Variants in SBF2 observed in about 807,000 individuals in gnomAD.
SBF2 encodes SET binding factor 2.
In SBF2, 112 loss-of-function variants were observed where a neutral mutation model predicts 225.2. The observed-to-expected ratio is 0.50, with a 90% CI of 0.43 to 0.58. The LOEUF (loss-of-function observed/expected upper bound fraction) is 0.58. Among genes scored for constraint, SBF2 ranks in the 20% least tolerant of loss-of-function variants. The probability of loss-of-function intolerance (pLI) is 0.00; values close to 1 mark genes in which losing one functional copy is unlikely to be tolerated. For missense variants in SBF2, 1,996 were observed against 2,206.2 expected, an observed-to-expected ratio of 0.90 and a Z score of 1.91; for synonymous variants, 763 against 773.3, an observed-to-expected ratio of 0.99 and a Z score of 0.22.
chr11:9,935,514 A>G (rs1211891655), intron 16 of SBF2, among the ~76,000 whole-genome samples: 1 of 152,236 alleles, frequency 6.6e-6, no homozygotes, highest in African/African-American at 2.4e-5. Context: ...TTCTAAACAA[A>G]AAGAAGAAAG....
At chr11:10,195,235 C>T (rs1431540320) in intron 1 of SBF2, among the ~76,000 whole-genome samples, 3 of 152,170 alleles carry the variant, frequency 2.0e-5, no homozygotes, top group African/African-American at 7.2e-5. Context: ...CTACCACCAG[C>T]AAGATGTTAC....
intron 38 of SBF2, 134 bp from the exon 39 acceptor site, chr11:9,781,772 AAATT>A (rs1183768802): frequency 9.8e-7 from 1 of 1,017,078 alleles, no homozygotes; most frequent in African/African-American, 1.6e-5. Context: ...AATACACAAA[AAATT>A]AATTAATAAT....
intron 2 of SBF2, among the ~76,000 whole-genome samples, chr11:10,173,248 C>T (rs1956288240): frequency 6.6e-6 from 1 of 152,174 alleles, no homozygotes; most frequent in African/African-American, 2.4e-5. Flanking sequence ...ATCTGAGGTA[C>T]CGGGTTCATC....
upstream of SBF2, among the ~76,000 whole-genome samples, chr11:10,299,182 C>CA (rs1964573992): frequency 6.6e-6 from 1 of 151,674 alleles, no homozygotes; most frequent in Admixed American, 6.6e-5. Context: ...ACTAAAAATA[C>CA]AAAAAATTAG....
In SBF2 at chr11:10,094,528, ATT is replaced by A. The variant is rs60485793; in HGVS notation, c.142-51549_142-51548del. ...TTTTCCCTACTACAAATACACACAGATTTTTTTTTTTTTTTTTTGAGACAGAG... is the reference window on the plus strand; with the variant it reads ...TTTTCCCTACTACAAATACACACAGATTTTTTTTTTTTTTTTGAGACAGAG... On this transcript the variant is annotated intron_variant, in intron 2 of 39. Coordinates refer to ENST00000256190, the MANE Select transcript of SBF2 (RefSeq NM_030962.4). 5.2e-4 allele frequency among the ~76,000 whole-genome samples: 56 copies of A among 107,260 alleles called. 1 individual carries two copies. The highest frequency in any genetic ancestry group is 3.9e-4 in the Non-Finnish European group (21 of 53,260). 70.4% of individuals were successfully genotyped at this position (107,260 alleles called of 152,430 possible).
chr11:10,165,261 T>C (rs998260657), intron 2 of SBF2, among the ~76,000 whole-genome samples: 3 of 152,198 alleles, frequency 2.0e-5, no homozygotes, highest in Admixed American at 2.0e-4. Flanking sequence ...GCTAAGGTGA[T>C]GTGAGATTGT....
chr11:9,919,282 T>TTTTTTA (rs1415205271), intron 16 of SBF2, among the ~76,000 whole-genome samples: 1 of 151,006 alleles, frequency 6.6e-6, no homozygotes, highest in African/African-American at 2.4e-5. Flanking sequence ...TTTTTTTTTT[T>TTTTTTA]GAGATAGAGT....
chr11:9,914,896 G>A (rs1862945177), intron 16 of SBF2, among the ~76,000 whole-genome samples: 2 of 121,412 alleles, frequency 1.6e-5, no homozygotes, highest in East Asian at 3.0e-4. Flanking sequence ...TATGTTACAG[G>A]GTGTTTATAG....
intron 1 of SBF2, among the ~76,000 whole-genome samples, chr11:10,210,107 T>C (rs1157625263): frequency 6.6e-6 from 1 of 151,992 alleles, no homozygotes; most frequent in Admixed American, 6.6e-5. Flanking sequence ...GGAGTTCCAG[T>C]TCAGCCCGGG....
At chr11:9,959,334 C>T in intron 16 of SBF2, 1 of 776,906 alleles carries the variant, frequency 1.3e-6, no homozygotes, top group East Asian at 2.4e-5. Flanking sequence ...TAAGATGGAC[C>T]CTGGGGCTCA....
At chr11:10,119,261 T>C (rs1187507297) in intron 2 of SBF2, among the ~76,000 whole-genome samples, 1 of 152,128 alleles carries the variant, frequency 6.6e-6, no homozygotes, top group Non-Finnish European at 1.5e-5. Context: ...CCTGTTCCGC[T>C]TGTTTTTCCC....
intron 28 of SBF2, among the ~76,000 whole-genome samples, chr11:9,818,521 C>A (rs1333433949): frequency 2.0e-5 from 3 of 152,120 alleles, no homozygotes. Flanking sequence ...TTTCCTACTG[C>A]CTCCCTCAAG....
At chr11:9,960,913 T>G (rs1182873155) in intron 16 of SBF2, 1 of 152,218 alleles carries the variant, frequency 6.6e-6, no homozygotes, top group Non-Finnish European at 1.5e-5. Flanking sequence ...TCTGCCCACC[T>G]CGGCCTCCCA....
intron 16 of SBF2, among the ~76,000 whole-genome samples, chr11:9,911,149 T>C (rs1436078294): frequency 6.6e-6 from 1 of 151,884 alleles, no homozygotes; most frequent in South Asian, 2.1e-4. Context: ...AGGTGGATCA[T>C]GAGGTCAGGA....
intron 16 of SBF2, among the ~76,000 whole-genome samples, chr11:9,916,588 C>G (rs542775888): frequency 7.1e-6 from 1 of 140,232 alleles, no homozygotes; most frequent in African/African-American, 2.7e-5. Context: ...ACATCTTTTT[C>G]TTTCTTTTCC....
At chr11:10,052,534 G>T (rs1165388377) in intron 2 of SBF2, among the ~76,000 whole-genome samples, 2 of 152,126 alleles carry the variant, frequency 1.3e-5, no homozygotes, top group African/African-American at 4.8e-5. Context: ...CTTCAAGTTT[G>T]CAAGGCTGGA....
chr11:9,800,763 G>T (rs558809826), intron 32 of SBF2, among the ~76,000 whole-genome samples: 9 of 152,204 alleles, frequency 5.9e-5, no homozygotes, highest in Admixed American at 2.6e-4. Context: ...TGCCCAGGCT[G>T]GTCTTGAACT....
At chr11:10,229,100 G>C (rs1958708385) in intron 1 of SBF2, among the ~76,000 whole-genome samples, 1 of 152,144 alleles carries the variant, frequency 6.6e-6, no homozygotes, top group Admixed American at 6.5e-5. Flanking sequence ...TAGTTTATTT[G>C]TGTAGAGGTG....
At chr11:9,838,672 G>C (rs915230557) in intron 26 of SBF2, 1 of 152,170 alleles carries the variant, frequency 6.6e-6, no homozygotes, top group African/African-American at 2.4e-5. Context: ...GTAACATTAA[G>C]ATAACTTTCT....
Sources: gnomAD v4.1 joint callset for allele counts (sites outside exome capture counted in the v4.1 genomes callset) on GRCh38, gnomAD v4.1.1 for gene constraint, MANE v1.5 for transcripts, NCBI Gene and HGNC (gene_info 2026-07-23, HGNC 2026-07-21) for gene names.